PCDH15: variants seen among roughly 807,000 people sequenced by gnomAD.
PCDH15 encodes the protein protocadherin related 15, also known as protocadherin-15.
Under a neutral mutation model 178.5 loss-of-function variants are expected in PCDH15, and 129 were observed. The observed-to-expected ratio is 0.72, with a 90% confidence interval of 0.63 to 0.84. The LOEUF (loss-of-function observed/expected upper bound fraction) is 0.84, where lower values mean the gene tolerates loss of function less well. PCDH15 is among the 40% of genes least tolerant of loss of function. The pLI is 0.00. For synonymous variants in PCDH15, 800 were observed against 732.0 expected, an observed-to-expected ratio of 1.09 and a Z score of -1.50; for missense variants, 2,230 against 2,099.9, an observed-to-expected ratio of 1.06 and a Z score of -1.21.
intron 5 of PCDH15, among the ~76,000 whole-genome samples, chr10:54,363,337 C>A (rs964389473): frequency 6.6e-6 from 1 of 152,018 alleles, no homozygotes; most frequent in Non-Finnish European, 1.5e-5. Context: ...AGTTGTGGGG[C>A]TTTTTTCTTT....
intron 2 of PCDH15, among the ~76,000 whole-genome samples, chr10:55,576,578 A>T (rs2132115192): frequency 6.6e-6 from 1 of 152,324 alleles, no homozygotes; most frequent in East Asian, 1.9e-4. Context: ...TTTCTGAAGG[A>T]TTTGTAGCAA....
At chr10:54,398,668 CA>C (rs560675931) in intron 3 of PCDH15, among the ~76,000 whole-genome samples, 18 of 151,224 alleles carry the variant, frequency 1.2e-4, no homozygotes, top group African/African-American at 4.1e-4. Flanking sequence ...CCTGGAAAAA[CA>C]AAAAAAACTG....
At chr10:54,649,767 T>G (rs1225766452) in intron 2 of PCDH15, among the ~76,000 whole-genome samples, 1 of 151,834 alleles carries the variant, frequency 6.6e-6, no homozygotes, top group Non-Finnish European at 1.5e-5. Flanking sequence ...CACTGTGGGG[T>G]GGGTAATATC....
intron 3 of PCDH15, among the ~76,000 whole-genome samples, chr10:54,469,662 T>TGAAAGCAG (rs1186947896): frequency 6.6e-6 from 1 of 152,170 alleles, no homozygotes; most frequent in Non-Finnish European, 1.5e-5. Context: ...AGCAGGTCTA[T>TGAAAGCAG]GTAAGCAGGT....
intron 1 of PCDH15, among the ~76,000 whole-genome samples, chr10:54,782,750 T>C (rs552717659): frequency 8.5e-5 from 13 of 152,104 alleles, no homozygotes; most frequent in Admixed American, 2.6e-4. Flanking sequence ...CATCCAGTGG[T>C]AGTACTGCCA....
At chr10:54,283,279 T>A (rs529442618) in intron 8 of PCDH15, among the ~76,000 whole-genome samples, 2 of 152,310 alleles carry the variant, frequency 1.3e-5, no homozygotes, top group South Asian at 4.1e-4. Flanking sequence ...ACCTTCAACT[T>A]CTCATTATTT....
At chr10:54,853,422 T>TATATACACATACAC (rs1554806877) in intron 3 of PCDH15, among the ~76,000 whole-genome samples, 2 of 138,292 alleles carry the variant, frequency 1.4e-5, no homozygotes, top group Non-Finnish European at 3.1e-5. Flanking sequence ...TACACATACA[T>TATATACACATACAC]ATATATATAC....
rs187886926 is a variant in PCDH15 at position 54,944,227 on chromosome 10, T to C, written c.-79-46727A>G. Among the ~76,000 whole-genome samples the C allele has an allele frequency of 3.1e-3, 469 of 151,962 alleles. 6 individuals are homozygous for C. The highest frequency in any genetic ancestry group is 0.011 in the African/African-American group (440 of 41,530). On this transcript the variant is annotated intron_variant, in intron 2 of 5. Coordinates refer to the PCDH15 transcript ENST00000458638. ...TGTGGTATGGTAGCATGTGTTTAGGTTGAGAAAGGGTTTGACAAAATGTAG... is the reference window on the plus strand; with the variant it reads ...TGTGGTATGGTAGCATGTGTTTAGGCTGAGAAAGGGTTTGACAAAATGTAG...
intron 21 of PCDH15, among the ~76,000 whole-genome samples, chr10:53,970,777 T>G (rs1275087451): frequency 6.6e-6 from 1 of 152,060 alleles, no homozygotes; most frequent in African/African-American, 2.4e-5. Context: ...TAACAGGCTC[T>G]GAAATTGAGG....
intron 18 of PCDH15, among the ~76,000 whole-genome samples, chr10:54,047,390 CTTTTT>C (rs35511606): frequency 1.4e-5 from 2 of 144,862 alleles, no homozygotes; most frequent in South Asian, 4.3e-4. Flanking sequence ...GTGATAATCA[CTTTTT>C]TTTTTTTATT....
At chr10:54,108,278 C>T (rs971792364) in intron 15 of PCDH15, among the ~76,000 whole-genome samples, 1 of 152,104 alleles carries the variant, frequency 6.6e-6, no homozygotes, top group African/African-American at 2.4e-5. Flanking sequence ...CCTCCCCCAT[C>T]CCCTGGCAGA....
chr10:54,857,217 G>A (rs563841891), intron 3 of PCDH15, among the ~76,000 whole-genome samples: 1 of 152,162 alleles, frequency 6.6e-6, no homozygotes, highest in East Asian at 1.9e-4. Flanking sequence ...TAACAGAAGA[G>A]TCATAAAACC....
At position 53,968,360 on chromosome 10, in the gene PCDH15, G is replaced by A. The variant is rs577601293; in HGVS notation, c.2869-6468C>T. Among the ~76,000 whole-genome samples, 33 of 152,286 alleles carry A rather than the reference G, an allele frequency of 2.2e-4. No homozygotes were observed. The East Asian group carries it at 4.4e-3, about 20-fold the overall frequency. On this transcript the variant is annotated intron_variant, in intron 21 of 37. Coordinates refer to ENST00000644397, the MANE Select transcript of PCDH15 (RefSeq NM_001384140.1). ...GGTAAACAAAGTGGACAGGAAGCTC[G>A]AACCGGGTGGAGCCCACCACAGCTC...
chr10:55,488,387 A>G (rs929758765), intron 2 of PCDH15, among the ~76,000 whole-genome samples: 3 of 151,636 alleles, frequency 2.0e-5, no homozygotes. Flanking sequence ...CCGTTAGTAC[A>G]TTAGCAGAAC....
intron 1 of PCDH15, among the ~76,000 whole-genome samples, chr10:55,299,936 T>C (rs1266774360): frequency 6.6e-6 from 1 of 152,300 alleles, no homozygotes; most frequent in Non-Finnish European, 1.5e-5. Flanking sequence ...ACATAAAGAA[T>C]ACAGAATTAT....
At chr10:54,650,666 TG>T (rs1428119366) in intron 2 of PCDH15, among the ~76,000 whole-genome samples, 1 of 152,046 alleles carries the variant, frequency 6.6e-6, no homozygotes, top group Non-Finnish European at 1.5e-5. Context: ...TCCACATGGC[TG>T]GGGAGGCCTC....
intron 2 of PCDH15, among the ~76,000 whole-genome samples, chr10:54,965,639 G>A (rs1047587564): frequency 2.3e-4 from 31 of 134,184 alleles, no homozygotes; most frequent in African/African-American, 8.4e-4. Flanking sequence ...ATATATATAT[G>A]TTGGGTATAT....
intron 2 of PCDH15, among the ~76,000 whole-genome samples, chr10:55,011,801 G>C (rs974970644): frequency 6.6e-6 from 1 of 151,852 alleles, no homozygotes; most frequent in South Asian, 2.1e-4. Flanking sequence ...ATGAAAAAAG[G>C]GATCAAGAAA....
chr10:53,955,189 C>A (rs114267903), intron 23 of PCDH15, among the ~76,000 whole-genome samples: 1 of 152,278 alleles, frequency 6.6e-6, no homozygotes, highest in East Asian at 1.9e-4. Flanking sequence ...TAGATGTGGA[C>A]TTCTGTCTGG....
Sources: gnomAD v4.1 joint callset for allele counts (sites outside exome capture counted in the v4.1 genomes callset) on GRCh38, gnomAD v4.1.1 for gene constraint, MANE v1.5 for transcripts, NCBI Gene and HGNC (gene_info 2026-07-23, HGNC 2026-07-21) for gene names.